The following EXOC2 variants were observed in gnomAD, a reference collection of about 807,000 sequenced individuals.
The protein encoded by EXOC2 is SEC5-like 1.
A neutral mutation model predicts 131.8 loss-of-function variants in EXOC2; 70 were observed. That is an observed-to-expected ratio of 0.53 (90% CI 0.44 to 0.65). The LOEUF is 0.65. EXOC2 is among the 30% of genes least tolerant of loss of function. The pLI, the probability that EXOC2 is intolerant of heterozygous loss-of-function variation, is 0.00. For missense variants in EXOC2, 923 were observed against 1,108.6 expected (o/e 0.83, Z 2.38); for synonymous variants, 411 against 398.4 (o/e 1.03, Z -0.38).
chr6:687,712 G>C (rs957441609), intron 1 of EXOC2, among the ~76,000 whole-genome samples: 1 of 152,202 alleles, frequency 6.6e-6, no homozygotes, highest in Admixed American at 6.5e-5. Flanking sequence ...ACAGGAACAA[G>C]ATTTTGTGAC....
intron 23 of EXOC2, among the ~76,000 whole-genome samples, chr6:531,300 G>C (rs908185768): frequency 2.1e-5 from 3 of 141,562 alleles, no homozygotes; most frequent in Admixed American, 7.0e-5. Context: ...AGAAGATGTT[G>C]TAAGAATTTT....
chr6:660,004 G>C (rs1763344856), intron 1 of EXOC2, among the ~76,000 whole-genome samples: 1 of 148,250 alleles, frequency 6.7e-6, no homozygotes, highest in Non-Finnish European at 1.5e-5. Flanking sequence ...TTGGGGGGGG[G>C]ACACGGGGGG....
intron 7 of EXOC2, 137 bp from the exon 8 acceptor site, chr6:599,362 G>A (rs1278999290): frequency 1.1e-5 from 9 of 799,806 alleles, no homozygotes; most frequent in African/African-American, 5.5e-5. Context: ...TCAGTTTAGG[G>A]GATCTTTTAT....
At chr6:644,144 G>A (rs780000263) in intron 1 of EXOC2, among the ~76,000 whole-genome samples, 3 of 152,118 alleles carry the variant, frequency 2.0e-5, no homozygotes, top group Non-Finnish European at 2.9e-5. Flanking sequence ...AAGCAAAAGA[G>A]GAATACATCA....
rs566008323 is a variant in EXOC2 at position 645,397 on chromosome 6, A to G, written c.-43-7536T>C. On this transcript the variant is annotated intron_variant, in intron 1 of 27. Coordinates refer to ENST00000230449, the MANE Select transcript of EXOC2 (RefSeq NM_018303.6). ...GCGTAGGTAAAGACTTGTGTTCAAT[A>G]TGACAAACACAAGTACAATGAAAAA... Among the ~76,000 whole-genome samples the G allele has an allele frequency of 1.1e-4, 17 of 152,330 alleles. No individual in the cohort carries two copies. In the South Asian group the frequency reaches 3.5e-3, roughly 32 times the overall value.
chr6:600,467 T>C (rs1020288086), intron 7 of EXOC2, among the ~76,000 whole-genome samples: 3 of 152,208 alleles, frequency 2.0e-5, no homozygotes, highest in Non-Finnish European at 4.4e-5. Context: ...ATTTCAAGAA[T>C]TGAGGCTCAT....
intron 23 of EXOC2, among the ~76,000 whole-genome samples, chr6:501,147 TTATATATATCTATATATATTA>T (rs1764053158): frequency 2.1e-5 from 1 of 47,922 alleles, no homozygotes; most frequent in African/African-American, 7.2e-5. Context: ...TCTATATATA[TTATATATATCTATATATATTA>T]TATATATCTA....
intron 23 of EXOC2, among the ~76,000 whole-genome samples, chr6:503,500 G>A (rs138066450): frequency 6.6e-6 from 1 of 152,096 alleles, no homozygotes; most frequent in Admixed American, 6.5e-5. Context: ...TGATGATGTG[G>A]TATTTATTTA....
At position 508,213 on chromosome 6, in the gene EXOC2, C is replaced by T. The variant is rs549266866; in HGVS notation, c.2381-8513G>A. On this transcript the variant is annotated intron_variant, in intron 23 of 27. Coordinates refer to ENST00000230449, the MANE Select transcript of EXOC2 (RefSeq NM_018303.6). The stretch of plus-strand genomic sequence containing the variant: ...GAGATTTCACATATGCCGTCCCGCC[C>T]GCCACCACATACACACGGCCGCCCC... 6.6e-5 allele frequency among the ~76,000 whole-genome samples: 10 copies of T among 152,270 alleles called. 1 individual carries two copies. In the South Asian group the frequency reaches 1.2e-3, roughly 19 times the overall value.
Position 556,472 on chromosome 6 carries a change from TG to T in EXOC2, c.1932+11del. ...TGGGAAACTGGAGTCCAAGCGGAGC[TG>T]GAATACTTACACTGGCCTCTCCCGG... On this transcript the variant is annotated intron_variant, in intron 18 of 27. Transcript: ENST00000230449. 1 of 1,613,592 alleles carries T rather than the reference TG, an allele frequency of 6.2e-7. No individual in the cohort carries two copies. Among genetic ancestry groups the T allele is most frequent in the Non-Finnish European group, 8.5e-7 (1 of 1,179,752 alleles).
chr6:652,320 T>A (rs1198891866), intron 1 of EXOC2, among the ~76,000 whole-genome samples: 2 of 152,106 alleles, frequency 1.3e-5, no homozygotes, highest in Admixed American at 1.3e-4. Flanking sequence ...AGCCAGAGGG[T>A]TCAAGCGACT....
At chr6:545,141 G>A (rs1288764092) in intron 22 of EXOC2, among the ~76,000 whole-genome samples, 2 of 114,642 alleles carry the variant, frequency 1.7e-5, no homozygotes, top group East Asian at 5.2e-4. Flanking sequence ...GCGACAGAGC[G>A]AGACTCCGTC....
At chr6:557,964 A>C (rs1757511759) in intron 17 of EXOC2, among the ~76,000 whole-genome samples, 1 of 152,084 alleles carries the variant, frequency 6.6e-6, no homozygotes, top group Non-Finnish European at 1.5e-5. Flanking sequence ...GCGTGTCAGA[A>C]CCACCAAACA....
chr6:509,632 T>C (rs1371666701), intron 23 of EXOC2, among the ~76,000 whole-genome samples: 1 of 152,208 alleles, frequency 6.6e-6, no homozygotes, highest in Non-Finnish European at 1.5e-5. Flanking sequence ...TCTGACTGTA[T>C]AAAAAGTGTC....
chr6:605,328 T>G (rs1167350884), intron 7 of EXOC2, among the ~76,000 whole-genome samples: 1 of 152,260 alleles, frequency 6.6e-6, no homozygotes, highest in African/African-American at 2.4e-5. Context: ...AAAAACTCAC[T>G]TATTGTTGGT....
At position 556,579 on chromosome 6, in the gene EXOC2, G is replaced by A. The variant is rs148148916; in HGVS notation, c.1852-15C>T. 5 of 1,613,792 alleles carry A rather than the reference G, an allele frequency of 3.1e-6. No homozygotes were observed. Among genetic ancestry groups the A allele is most frequent in the Non-Finnish European group, 4.2e-6 (5 of 1,179,872 alleles). On this transcript the variant is annotated splice_polypyrimidine_tract_variant and intron_variant, in intron 17 of 27. Transcript: ENST00000230449. ...AACTGACATGGCTGAAGGGAAAACA[G>A]CATATTGTAAAACTCAAAAATGAGC... is the stretch of plus-strand genomic sequence containing the variant.
At chr6:589,738 G>A (rs548996110) in intron 11 of EXOC2, among the ~76,000 whole-genome samples, 6 of 152,320 alleles carry the variant, frequency 3.9e-5, no homozygotes, top group African/African-American at 1.4e-4. Context: ...GAAATTGCCT[G>A]GACTCCAGCC....
intron 13 of EXOC2, among the ~76,000 whole-genome samples, chr6:565,785 A>C (rs936643084): frequency 6.6e-6 from 1 of 152,232 alleles, no homozygotes; most frequent in African/African-American, 2.4e-5. Context: ...ATAAATTATC[A>C]TGATATTGAC....
chr6:577,817 CTCAG>C (rs1163503719), intron 11 of EXOC2, among the ~76,000 whole-genome samples: 1 of 152,192 alleles, frequency 6.6e-6, no homozygotes, highest in African/African-American at 2.4e-5. Flanking sequence ...AAAGGCCTCA[CTCAG>C]TTTTTCTTCT....
Sources: allele counts gnomAD v4.1 joint callset (sites outside exome capture counted in the v4.1 genomes callset), GRCh38; gene constraint gnomAD v4.1.1; transcripts MANE v1.5; gene names NCBI Gene and HGNC (gene_info 2026-07-23, HGNC 2026-07-21).